Variants in ZNF620 observed in about 807,000 individuals in gnomAD.
The protein encoded by ZNF620 is zinc finger protein 620.
In ZNF620, 10 loss-of-function variants were observed where a neutral mutation model predicts 13.3. The observed-to-expected ratio is 0.75, with a 90% CI of 0.46 to 1.28. The LOEUF (loss-of-function observed/expected upper bound fraction) is 1.28. ZNF620 is among the 50% of genes most tolerant of loss of function. ZNF620 has a pLI of 0.00. For synonymous variants in ZNF620, 166 were observed against 177.6 expected (o/e 0.93, Z 0.52); for missense variants, 461 against 500.2 (o/e 0.92, Z 0.75).
Position 40,516,768 on chromosome 3 carries a change from T to C in ZNF620, c.1174T>C (p.Tyr392His). 1.2e-6 allele frequency: 2 copies of C among 1,614,170 alleles called. No individual in the cohort carries two copies. Among genetic ancestry groups the C allele is most frequent in the Non-Finnish European group, 1.7e-6 (2 of 1,180,044 alleles). ...HQRVHTGEKPYECKVCGKTFS... is the reference protein window; with the variant it reads ...HQRVHTGEKPHECKVCGKTFS... ...GCGAGTTCACACTGGCGAGAAACCT[T>C]ATGAGTGTAAAGTGTGTGGTAAAAC... is the stretch of plus-strand genomic sequence containing the variant. Residue 392 changes from tyrosine to histidine, a missense_variant, in exon 5 of 5, where the codon TAT (tyrosine) becomes CAT (histidine). By Grantham distance (83) the Tyr-to-His change is moderately conservative. Coordinates refer to ENST00000314529, the MANE Select transcript of ZNF620 (RefSeq NM_175888.4).
chr3:40,508,671 G>A (rs1052122479), intron 2 of ZNF620: 3 of 423,022 alleles, frequency 7.1e-6, no homozygotes, highest in Non-Finnish European at 1.4e-5. Context: ...ATCTTACTCT[G>A]TCTCCCAGGC....
At position 40,516,061 on chromosome 3, in the gene ZNF620, C is replaced by A; in HGVS notation, c.467C>A (p.Ala156Asp). 6.2e-7 allele frequency: 1 copy of A among 1,614,072 alleles called. No homozygotes were observed. Among genetic ancestry groups the A allele is most frequent in the Non-Finnish European group, 8.5e-7 (1 of 1,179,982 alleles). ...AGGAGACATTTCACAGATACCTCAG[C>A]CAGGCACCATGAGGCCTATGAGGTC... Reference protein sequence around the residue: ...SKRRHFTDTSARHHEAYEVKN... With the variant: ...SKRRHFTDTSDRHHEAYEVKN... Residue 156 changes from alanine to aspartate, a missense_variant, in exon 5 of 5, where the codon GCC becomes GAC. Coordinates refer to ENST00000314529, the MANE Select transcript of ZNF620 (RefSeq NM_175888.4).
intron 4 of ZNF620, among the ~76,000 whole-genome samples, chr3:40,512,758 C>T (rs938259507): frequency 5.9e-5 from 9 of 152,176 alleles, no homozygotes; most frequent in African/African-American, 2.2e-4. Flanking sequence ...TCCTCACAAC[C>T]TGCCAAGGGA....
chr3:40,507,379 C>T (rs1698061519), intron 2 of ZNF620, among the ~76,000 whole-genome samples: 1 of 152,130 alleles, frequency 6.6e-6, no homozygotes, highest in East Asian at 1.9e-4. Context: ...CGTGAGCCAC[C>T]GTGCCCAGCC....
Position 40,515,947 on chromosome 3 carries a change from G to C in ZNF620, c.353G>C (p.Gly118Ala). Reference protein sequence around the residue: ...ETESFRLMVGGLPGNVSQHLD... With the variant: ...ETESFRLMVGALPGNVSQHLD... ...GAGTCCTTCAGACTGATGGTGGGGG[G>C]CCTGCCAGGGAATGTTTCCCAGCAC... The change falls in exon 5 of 5, where the codon GGC becomes GCC. Residue 118 changes from glycine to alanine, a missense_variant. By Grantham distance (60) the Gly-to-Ala change is moderately conservative. Transcript: ENST00000314529. 1 of 1,614,086 alleles carries C rather than the reference G, an allele frequency of 6.2e-7. No homozygotes were observed. The highest frequency in any genetic ancestry group is 8.5e-7 in the Non-Finnish European group (1 of 1,180,004).
At position 40,513,352 on chromosome 3, in the gene ZNF620, T is replaced by TATAC. The variant is rs1698269309; in HGVS notation, c.265+839_265+840insACAT. On this transcript the variant is annotated intron_variant, in intron 4 of 4. Transcript: ENST00000314529. ...ATATATATATATATATATATATATA[T>TATAC]ATGGCCAGGTGTGGTGGTTCATGCC... Among the ~76,000 whole-genome samples the TATAC allele has an allele frequency of 2.9e-5, 4 of 136,344 alleles. 1 individual carries two copies. The East Asian group carries it at 6.2e-4, about 21-fold the overall frequency. The allele number at this position is 136,344 out of a possible 152,430, so 89.4% of individuals were successfully genotyped here. A position where few individuals can be genotyped will look rare whatever the true frequency, so the allele number is the denominator to read the frequency against.
At chr3:40,509,521 C>T (rs142916394) in intron 2 of ZNF620, among the ~76,000 whole-genome samples, 26 of 152,214 alleles carry the variant, frequency 1.7e-4, no homozygotes, top group South Asian at 4.1e-4. Context: ...CATGAGCCAC[C>T]GTGCCTGGCT....
chr3:40,512,889 T>C (rs1698243428), intron 4 of ZNF620, among the ~76,000 whole-genome samples: 1 of 152,174 alleles, frequency 6.6e-6, no homozygotes, highest in Non-Finnish European at 1.5e-5. Context: ...TGGAGGAAAA[T>C]AGGCTTCTGG....
intron 2 of ZNF620, among the ~76,000 whole-genome samples, chr3:40,508,048 T>C (rs748833739): frequency 6.6e-6 from 1 of 152,192 alleles, no homozygotes; most frequent in African/African-American, 2.4e-5. Flanking sequence ...TGCAGTGATG[T>C]CACTTCTTTT....
In ZNF620 at chr3:40,516,584, C is replaced by T. The variant is rs777615393; in HGVS notation, c.990C>T (p.His330=). ...GTTTCACTGTCCATCAGCGAATGCA[C>T]ACTGGGGAGAAACCTTATGAATGTA... ...SSSFTVHQRM[H]TGEKPYECKE... The change falls in exon 5 of 5, where the codon CAC becomes CAT. Residue 330 remains histidine (H), a synonymous_variant. Coordinates refer to ENST00000314529, the MANE Select transcript of ZNF620 (RefSeq NM_175888.4). 5.0e-6 allele frequency: 8 copies of T among 1,614,088 alleles called. No homozygotes were observed. The highest frequency in any genetic ancestry group is 3.3e-5 in the South Asian group (3 of 91,092).
In ZNF620 at chr3:40,516,537, A is replaced by G. The variant is rs963814242; in HGVS notation, c.943A>G (p.Lys315Glu). ...GCTCTATGAATGTAACGAATGTTGG[A>G]AAACTTTCAGTTGCAGCTCAAGTTT... Reference protein sequence around the residue: ...EKLYECNECWKTFSCSSSFTV... With the variant: ...EKLYECNECWETFSCSSSFTV... The change falls in exon 5 of 5, where the codon AAA becomes GAA. Residue 315 changes from lysine to glutamate, a missense_variant. Physicochemically the swap from Lys to Glu is moderately conservative, Grantham distance 56 (BLOSUM62 1). Transcript: ENST00000314529. 4 of 1,614,238 alleles carry G rather than the reference A, an allele frequency of 2.5e-6. No individual in the cohort carries two copies. The highest frequency in any genetic ancestry group is 2.5e-6 in the Non-Finnish European group (3 of 1,180,034).
Position 40,516,371 on chromosome 3 carries a change from A to T in ZNF620, c.777A>T (p.Lys259Asn). The change falls in exon 5 of 5, where the codon AAA becomes AAT. Residue 259 changes from lysine (K) to asparagine (N), a missense_variant. Physicochemically the swap from Lys to Asn is moderately conservative, Grantham distance 94 (BLOSUM62 0). Coordinates refer to ENST00000314529, the MANE Select transcript of ZNF620 (RefSeq NM_175888.4). ...KKPFKCKECGKGLSSDTALIQ... is the reference protein window; with the variant it reads ...KKPFKCKECGNGLSSDTALIQ... The stretch of plus-strand genomic sequence containing the variant: ...CATTTAAATGTAAAGAATGTGGAAA[A>T]GGTTTAAGTTCAGACACAGCCTTGA... 1 of 1,614,244 alleles carries T rather than the reference A, an allele frequency of 6.2e-7. No individual in the cohort carries two copies. The highest frequency in any genetic ancestry group is 1.1e-5 in the South Asian group (1 of 91,090).
rs767191823 is a variant in ZNF620, at chr3:40,516,573, C to G, written c.979C>G (p.Gln327Glu). 1 of 1,614,092 alleles carries G rather than the reference C, an allele frequency of 6.2e-7. No individual in the cohort carries two copies. The highest frequency in any genetic ancestry group is 8.5e-7 in the Non-Finnish European group (1 of 1,180,050). ...TTGCAGCTCAAGTTTCACTGTCCAT[C>G]AGCGAATGCACACTGGGGAGAAACC... ...FSCSSSFTVH[Q>E]RMHTGEKPYE... The change falls in exon 5 of 5, where the codon CAG becomes GAG. Residue 327 changes from glutamine to glutamate, a missense_variant. Gln to Glu is a conservative substitution (Grantham distance 29). Coordinates refer to ENST00000314529, the MANE Select transcript of ZNF620 (RefSeq NM_175888.4).
At chr3:40,514,319 C>T (rs542708020) in intron 4 of ZNF620, among the ~76,000 whole-genome samples, 4 of 152,262 alleles carry the variant, frequency 2.6e-5, no homozygotes, top group East Asian at 3.9e-4. Context: ...ACATGTGACT[C>T]GTGTGACCTT....
Position 40,516,845 on chromosome 3 carries a change from G to A in ZNF620, c.1251G>A (p.Lys417=), listed in dbSNP as rs764999219. ...FILHQKLHTQ[K]TPVQA is the part of the protein sequence containing the mutation. ...TGCATCAGAAACTACACACTCAGAA[G>A]ACACCTGTCCAAGCATAGGGCTATC... Residue 417 remains lysine, a synonymous_variant, in exon 5 of 5, where the codon AAG becomes AAA. Transcript: ENST00000314529. The A allele has an allele frequency of 6.8e-6, 11 of 1,608,766 alleles. No homozygotes were observed. Among genetic ancestry groups the A allele is most frequent in the Non-Finnish European group, 8.5e-6 (10 of 1,176,426 alleles).
chr3:40,507,280 C>A (rs1029428180), intron 2 of ZNF620, among the ~76,000 whole-genome samples: 8 of 151,858 alleles, frequency 5.3e-5, no homozygotes, highest in Non-Finnish European at 1.2e-4. Flanking sequence ...TTAGTAGAGA[C>A]CAGGTTTCAC....
chr3:40,508,530 A>G (rs1698098664), intron 2 of ZNF620: 1 of 248,576 alleles, frequency 4.0e-6, no homozygotes, highest in African/African-American at 2.3e-5. Flanking sequence ...CATACTTTGT[A>G]TGACTTGAAT....
chr3:40,507,414 C>A (rs1433061805), intron 2 of ZNF620, among the ~76,000 whole-genome samples: 1 of 152,130 alleles, frequency 6.6e-6, no homozygotes, highest in African/African-American at 2.4e-5. Context: ...TGGTGAATTA[C>A]ATGATTTTTC....
At chr3:40,512,592 G>A (rs915756909) in intron 4 of ZNF620, 77 bp downstream of exon 4, 1 of 1,047,906 alleles carries the variant, frequency 9.5e-7, no homozygotes, top group Non-Finnish European at 1.4e-6. Flanking sequence ...TGCAAGAAGT[G>A]TTTCTTCTCT....
Sources: gnomAD v4.1 joint callset for allele counts (sites outside exome capture counted in the v4.1 genomes callset) on GRCh38, gnomAD v4.1.1 for gene constraint, MANE v1.5 for transcripts, NCBI Gene and HGNC (gene_info 2026-07-23, HGNC 2026-07-21) for gene names.